The following KCNAB1 variants were observed in gnomAD, a reference collection of about 807,000 sequenced individuals.
The protein encoded by KCNAB1 is voltage-gated potassium channel subunit beta-1.
KCNAB1 carries 35 observed loss-of-function variants against 64.6 expected under a neutral mutation model. The observed-to-expected ratio is 0.54, with a 90% confidence interval of 0.41 to 0.72. The LOEUF (loss-of-function observed/expected upper bound fraction) is 0.72. Among genes scored for constraint, KCNAB1 ranks in the 30% least tolerant of loss-of-function variants. The probability of loss-of-function intolerance (pLI) is 0.00; values close to 1 mark genes in which losing one functional copy is unlikely to be tolerated. For missense variants in KCNAB1, 401 were observed against 512.9 expected, an observed-to-expected ratio of 0.78 and a Z score of 2.11; for synonymous variants, 177 against 183.8, an observed-to-expected ratio of 0.96 and a Z score of 0.30.
intron 1 of KCNAB1, among the ~76,000 whole-genome samples, chr3:156,195,434 C>T (rs533852094): frequency 5.1e-4 from 77 of 152,310 alleles, no homozygotes; most frequent in African/African-American, 1.8e-3. Context: ...TCTCCACATC[C>T]TCTCCAGCAT....
chr3:156,281,240 T>C (rs1719695488), intron 1 of KCNAB1, among the ~76,000 whole-genome samples: 1 of 151,000 alleles, frequency 6.6e-6, no homozygotes, highest in Non-Finnish European at 1.5e-5. Context: ...TTTTTGTCTT[T>C]GGCTCTGTTT....
chr3:156,414,132 C>T, intron 1 of KCNAB1, among the ~76,000 whole-genome samples: 1 of 152,178 alleles, frequency 6.6e-6, no homozygotes, highest in East Asian at 1.9e-4. Flanking sequence ...GAGATATTCA[C>T]CCACAGTAAA....
intron 8 of KCNAB1, among the ~76,000 whole-genome samples, chr3:156,484,328 T>C (rs1715046899): frequency 6.6e-6 from 1 of 151,682 alleles, no homozygotes; most frequent in Non-Finnish European, 1.5e-5. Context: ...TGCTTTTTTC[T>C]TCTTCTTCTT....
chr3:156,242,789 GTT>G (rs76800600), intron 1 of KCNAB1, among the ~76,000 whole-genome samples: 36 of 128,202 alleles, frequency 2.8e-4, no homozygotes, highest in African/African-American at 9.6e-4. Context: ...ATTTTTTCAA[GTT>G]TTTTTTTTTT....
intron 2 of KCNAB1, among the ~76,000 whole-genome samples, chr3:156,443,614 G>A (rs1252327621): frequency 1.3e-5 from 2 of 152,168 alleles, no homozygotes; most frequent in African/African-American, 4.8e-5. Context: ...AGCTAGGAAA[G>A]CACAATGGAT....
intron 1 of KCNAB1, among the ~76,000 whole-genome samples, chr3:156,187,752 C>G (rs1577688384): frequency 6.6e-6 from 1 of 152,216 alleles, no homozygotes; most frequent in East Asian, 1.9e-4. Context: ...TACTCCATCA[C>G]CCATGGTGAA....
chr3:156,204,501 C>A (rs1432215986), intron 1 of KCNAB1, among the ~76,000 whole-genome samples: 1 of 152,190 alleles, frequency 6.6e-6, no homozygotes, highest in Non-Finnish European at 1.5e-5. Context: ...TTAGAACTGA[C>A]ATAAATTCTC....
intron 7 of KCNAB1, among the ~76,000 whole-genome samples, chr3:156,466,447 T>C (rs1027303927): frequency 1.3e-5 from 2 of 152,084 alleles, no homozygotes; most frequent in Non-Finnish European, 2.9e-5. Context: ...TGTGTGCAAA[T>C]TTTTGTGTAG....
At chr3:156,196,996 C>G (rs13098116) in intron 1 of KCNAB1, among the ~76,000 whole-genome samples, 3 of 151,960 alleles carry the variant, frequency 2.0e-5, no homozygotes, top group African/African-American at 7.2e-5. Flanking sequence ...AGTTTATTGA[C>G]AGTTTTTAGC....
chr3:156,195,765 T>C (rs900794063), intron 1 of KCNAB1, among the ~76,000 whole-genome samples: 2 of 152,210 alleles, frequency 1.3e-5, no homozygotes, highest in African/African-American at 4.8e-5. Context: ...ATAGTTTCTT[T>C]TGCTGTGCAG....
upstream of KCNAB1, among the ~76,000 whole-genome samples, chr3:156,119,231 GC>G (rs1479272175): frequency 6.6e-6 from 1 of 152,164 alleles, no homozygotes; most frequent in Non-Finnish European, 1.5e-5. Context: ...GTGAAAGGGG[GC>G]AAGGCGTACA....
intron 1 of KCNAB1, among the ~76,000 whole-genome samples, chr3:156,182,844 G>GC (rs1359071641): frequency 6.6e-6 from 1 of 151,068 alleles, no homozygotes; most frequent in Non-Finnish European, 1.5e-5. Context: ...GATTACAGGC[G>GC]CCCGCCACTA....
intron 1 of KCNAB1, among the ~76,000 whole-genome samples, chr3:156,161,657 A>G (rs1205910756): frequency 2.0e-5 from 3 of 152,184 alleles, no homozygotes; most frequent in Non-Finnish European, 2.9e-5. Flanking sequence ...AAATATTTTA[A>G]TTCTACCCAC....
At chr3:156,499,257 T>C (rs749042928) in intron 8 of KCNAB1, among the ~76,000 whole-genome samples, 1 of 152,220 alleles carries the variant, frequency 6.6e-6, no homozygotes, top group African/African-American at 2.4e-5. Flanking sequence ...ATTTGGCTCC[T>C]TCTGCCTTCT....
At chr3:156,129,787 C>T (rs1177641483) in intron 1 of KCNAB1, among the ~76,000 whole-genome samples, 1 of 152,184 alleles carries the variant, frequency 6.6e-6, no homozygotes, top group East Asian at 1.9e-4. Flanking sequence ...CTAGGAGTCT[C>T]TCTATGAGCC....
chr3:156,178,493 A>G (rs908258302), intron 1 of KCNAB1, among the ~76,000 whole-genome samples: 4 of 152,162 alleles, frequency 2.6e-5, no homozygotes, highest in African/African-American at 7.2e-5. Flanking sequence ...ACTCTGCTCC[A>G]TTGTTTCATG....
chr3:156,140,699 T>A (rs1023332256), intron 1 of KCNAB1, among the ~76,000 whole-genome samples: 4 of 152,058 alleles, frequency 2.6e-5, no homozygotes, highest in Non-Finnish European at 5.9e-5. Flanking sequence ...TTCCAAATAG[T>A]AAATAAATAA....
intron 1 of KCNAB1, among the ~76,000 whole-genome samples, chr3:156,336,311 G>A (rs922364718): frequency 3.3e-5 from 5 of 152,170 alleles, no homozygotes; most frequent in Non-Finnish European, 7.3e-5. Flanking sequence ...GCAGTGAGCT[G>A]AGATCGTACC....
At chr3:156,156,014 C>A (rs79343942) in intron 1 of KCNAB1, among the ~76,000 whole-genome samples, 1,982 of 152,184 alleles carry the variant, frequency 0.013, 38 homozygotes, top group African/African-American at 0.032. Context: ...TTGGGTTTGG[C>A]CATGTAGACA....
Sources: allele counts gnomAD v4.1 joint callset (sites outside exome capture counted in the v4.1 genomes callset), GRCh38; gene constraint gnomAD v4.1.1; transcripts MANE v1.5; gene names NCBI Gene and HGNC (gene_info 2026-07-23, HGNC 2026-07-21).